CUL5: variants seen among roughly 807,000 people sequenced by gnomAD.
CUL5 encodes the protein cullin-5.
Under a neutral mutation model 108.8 loss-of-function variants are expected in CUL5, and 26 were observed. That is an observed-to-expected ratio of 0.24 (90% CI 0.18 to 0.33). The LOEUF is 0.33. Ranked by LOEUF, CUL5 falls within the 10% of genes least tolerant of loss-of-function variation. The pLI, the probability that CUL5 is intolerant of heterozygous loss-of-function variation, is 1.00. For missense variants in CUL5, 524 were observed against 909.2 expected (o/e 0.58, Z 5.45); for synonymous variants, 334 against 298.0 (o/e 1.12, Z -1.25).
rs1864761675 is a variant in CUL5, at chr11:108,105,135, T to G, written c.*751T>G. The G allele has an allele frequency of 6.6e-6, 1 of 152,282 alleles. No individual in the cohort carries two copies. The highest frequency in any genetic ancestry group is 2.4e-5 in the African/African-American group (1 of 41,408). The allele number at this position is 152,282 out of a possible 1,614,324, so 9.4% of individuals were successfully genotyped here. ...AATGAAGCTTATATTAATTGTTGCT[T>G]CAATAGTTTAAAAAATTTATGGAGA... is the stretch of plus-strand genomic sequence containing the variant. On this transcript the variant is annotated 3_prime_UTR_variant, in exon 19 of 19. Transcript: ENST00000393094.
At chr11:108,009,412 G>A (rs369947709) in intron 1 of CUL5, 40 bp downstream of exon 1, 897 of 1,609,102 alleles carry the variant, frequency 5.6e-4, no homozygotes, top group Non-Finnish European at 7.3e-4. Flanking sequence ...CTGTGTGGCC[G>A]CCGGGTTCGG....
At chr11:108,078,045 G>C (rs1322040023) in intron 10 of CUL5, 131 bp from the exon 11 acceptor site, 1 of 529,486 alleles carries the variant, frequency 1.9e-6, no homozygotes, top group African/African-American at 2.0e-5. Flanking sequence ...CTTTGACTAG[G>C]CAAATTCTGT....
intron 11 of CUL5, among the ~76,000 whole-genome samples, chr11:108,081,898 G>A (rs1226159753): frequency 6.6e-6 from 1 of 152,194 alleles, no homozygotes; most frequent in Non-Finnish European, 1.5e-5. Context: ...CAAGATGTGT[G>A]CATGTTTCAA....
At chr11:108,014,905 ATTT>A (rs1862142104) in intron 1 of CUL5, among the ~76,000 whole-genome samples, 1 of 151,974 alleles carries the variant, frequency 6.6e-6, no homozygotes, top group African/African-American at 2.4e-5. Context: ...TATTATTTTT[ATTT>A]TTATTTTTGA....
intron 4 of CUL5, 127 bp from the exon 5 acceptor site, chr11:108,052,533 A>T (rs1438236223): frequency 1.3e-6 from 1 of 762,508 alleles, no homozygotes; most frequent in African/African-American, 1.8e-5. Context: ...AATTGTTGGG[A>T]CTACAGGCGT....
rs773302035 is a variant in CUL5 at position 108,107,029 on chromosome 11, T to A, written c.*2645T>A. 4.6e-5 allele frequency: 7 copies of A among 150,580 alleles called. No individual in the cohort carries two copies. Among genetic ancestry groups the A allele is most frequent in the Non-Finnish European group, 7.4e-5 (5 of 67,714 alleles). The allele number at this position is 150,580 out of a possible 1,614,324, so 9.3% of individuals were successfully genotyped here. A position where few individuals can be genotyped will look rare whatever the true frequency, so the allele number is the denominator to read the frequency against. On this transcript the variant is annotated 3_prime_UTR_variant, in exon 19 of 19. Transcript: ENST00000393094. ...AGACAGAGTTTAAGAAGTAAAAATA[T>A]AGAAAAATTTTGATGGTCACAATGA...
At chr11:108,074,671 T>C (rs930888010) in intron 10 of CUL5, among the ~76,000 whole-genome samples, 1 of 151,946 alleles carries the variant, frequency 6.6e-6, no homozygotes, top group Non-Finnish European at 1.5e-5. Flanking sequence ...CTGGACGTGG[T>C]GGTACATGCG....
intron 1 of CUL5, among the ~76,000 whole-genome samples, chr11:108,023,707 C>A (rs889784794): frequency 5.3e-5 from 8 of 152,188 alleles, no homozygotes; most frequent in African/African-American, 1.9e-4. Flanking sequence ...TAATAAATGA[C>A]AAGCTCCCCA....
intron 13 of CUL5, among the ~76,000 whole-genome samples, chr11:108,091,695 TCACACA>T (rs71303233): frequency 1.4e-3 from 187 of 138,186 alleles, no homozygotes; most frequent in Middle Eastern, 7.1e-3. Flanking sequence ...TCTCTCTCAC[TCACACA>T]CACACACACA....
At chr11:108,023,973 G>A (rs1187640285) in intron 1 of CUL5, among the ~76,000 whole-genome samples, 2 of 152,120 alleles carry the variant, frequency 1.3e-5, no homozygotes, top group African/African-American at 4.8e-5. Flanking sequence ...TTTACGTAGT[G>A]ATGTTTCCGC....
chr11:108,087,100 A>G (rs975844972), intron 11 of CUL5, among the ~76,000 whole-genome samples: 8 of 152,170 alleles, frequency 5.3e-5, no homozygotes, highest in African/African-American at 1.7e-4. Flanking sequence ...GAGGTGTTCA[A>G]ATAATTGAAT....
intron 9 of CUL5, among the ~76,000 whole-genome samples, chr11:108,073,162 A>C (rs949375835): frequency 6.6e-6 from 1 of 151,648 alleles, no homozygotes; most frequent in Non-Finnish European, 1.5e-5. Flanking sequence ...AGAAGGTGCC[A>C]CTGCACTCCA....
intron 1 of CUL5, among the ~76,000 whole-genome samples, chr11:108,015,517 G>A (rs1418443292): frequency 6.6e-6 from 1 of 152,184 alleles, no homozygotes; most frequent in Non-Finnish European, 1.5e-5. Context: ...CTCTTGAAAC[G>A]TATATCTAAG....
At chr11:108,031,451 A>C (rs1162591906) in intron 1 of CUL5, among the ~76,000 whole-genome samples, 1 of 151,984 alleles carries the variant, frequency 6.6e-6, no homozygotes, top group Non-Finnish European at 1.5e-5. Context: ...TCTTTAATCC[A>C]TCTTGAGTTA....
At chr11:108,055,940 A>AT (rs1324215617) in intron 7 of CUL5, among the ~76,000 whole-genome samples, 8 of 151,988 alleles carry the variant, frequency 5.3e-5, no homozygotes, top group East Asian at 1.9e-4. Context: ...CACCTGGCTA[A>AT]TTTTTTTATT....
chr11:108,094,531 A>G lies in CUL5; in HGVS notation c.1567+17A>G. The stretch of plus-strand genomic sequence containing the variant: ...CATTACCAGGTATTATTTTATAATT[A>G]CATGTATATATTTTTTAAACTTAGA... On this transcript the variant is annotated intron_variant, in intron 14 of 18. Coordinates refer to ENST00000393094, the MANE Select transcript of CUL5 (RefSeq NM_003478.6). 8.0e-7 allele frequency: 1 copy of G among 1,244,956 alleles called. No homozygotes were observed. The allele number at this position is 1,244,956 out of a possible 1,614,324, so 77.1% of individuals were successfully genotyped here.
chr11:108,083,527 A>T (rs898771168), intron 11 of CUL5, among the ~76,000 whole-genome samples: 1 of 152,236 alleles, frequency 6.6e-6, no homozygotes, highest in Non-Finnish European at 1.5e-5. Flanking sequence ...GCCATGGCTC[A>T]TGCCTGTCAT....
At chr11:108,049,515 G>A (rs990988611) in intron 3 of CUL5, among the ~76,000 whole-genome samples, 28 of 151,542 alleles carry the variant, frequency 1.8e-4, no homozygotes, top group African/African-American at 6.8e-4. Flanking sequence ...CTAATTTTTT[G>A]TATTATTTGT....
chr11:108,063,701 C>T (rs934746710), intron 7 of CUL5, among the ~76,000 whole-genome samples: 2 of 151,494 alleles, frequency 1.3e-5, no homozygotes, highest in African/African-American at 4.9e-5. Flanking sequence ...GGAAGTGCAT[C>T]TATCTCTTCC....
Sources: allele counts gnomAD v4.1 joint callset (sites outside exome capture counted in the v4.1 genomes callset), GRCh38; gene constraint gnomAD v4.1.1; transcripts MANE v1.5; gene names NCBI Gene and HGNC (gene_info 2026-07-23, HGNC 2026-07-21).